The following AGPAT4 variants were observed in gnomAD, a reference collection of about 807,000 sequenced individuals.
AGPAT4 encodes the protein 1-acylglycerol-3-phosphate O-acyltransferase 4, also known as 1-acyl-sn-glycerol-3-phosphate acyltransferase delta.
AGPAT4 carries 15 observed loss-of-function variants against 48.0 expected under a neutral mutation model. That is an observed-to-expected ratio of 0.31 (90% CI 0.21 to 0.48). AGPAT4 has a LOEUF of 0.48. Ranked by LOEUF, AGPAT4 falls within the 20% of genes least tolerant of loss-of-function variation. The probability of loss-of-function intolerance (pLI) is 0.99; values close to 1 mark genes in which losing one functional copy is unlikely to be tolerated. For missense variants in AGPAT4, 314 were observed against 482.5 expected (o/e 0.65, Z 3.27); for synonymous variants, 178 against 198.7 (o/e 0.90, Z 0.88).
chr6:161,154,117 C>T lies in AGPAT4; in HGVS notation c.510+32G>A. ...CCACGGTCACAGTCCTGCAGGAGCC[C>T]TTGGGACACAGCTGCTCTGGTGCCT... is the stretch of plus-strand genomic sequence containing the variant. On this transcript the variant is annotated intron_variant, in intron 4 of 8. Transcript: ENST00000320285. This position sits in a 1 kb window ranked among gnomAD's most constrained non-coding sequence, Gnocchi z 7.8. The T allele has an allele frequency of 8.1e-6, 13 of 1,613,740 alleles. No individual in the cohort carries two copies. Among genetic ancestry groups the T allele is most frequent in the Non-Finnish European group, 1.0e-5 (12 of 1,179,978 alleles).
Position 161,161,304 on chromosome 6 carries a change from C to T in AGPAT4, c.348+4944G>A, listed in dbSNP as rs925326348. 3 of 456,588 alleles carry T rather than the reference C, an allele frequency of 6.6e-6. No homozygotes were observed. Among genetic ancestry groups the T allele is most frequent in the African/African-American group, 4.0e-5 (2 of 50,086 alleles). The allele number at this position is 456,588 out of a possible 1,614,324, so 28.3% of individuals were successfully genotyped here. ...TGGTAGTCGGTATGAACCCGCGGTGCAGCCATAGTCCCGTGAGCTGCCCAC... is the reference window on the plus strand; with the variant it reads ...TGGTAGTCGGTATGAACCCGCGGTGTAGCCATAGTCCCGTGAGCTGCCCAC... On this transcript the variant is annotated intron_variant, in intron 3 of 8. Coordinates refer to ENST00000320285, the MANE Select transcript of AGPAT4 (RefSeq NM_020133.3). This position sits in a 1 kb window ranked among gnomAD's most constrained non-coding sequence, Gnocchi z 4.6.
At position 161,244,220 on chromosome 6, in the gene AGPAT4, A is replaced by G. The variant is rs1782584544; in HGVS notation, c.-89-11918T>C. Among the ~76,000 whole-genome samples the G allele has an allele frequency of 6.6e-6, 1 of 152,204 alleles. No homozygotes were observed. Among genetic ancestry groups the G allele is most frequent in the Non-Finnish European group, 1.5e-5 (1 of 68,034 alleles). ...CTAACAAATACAGAAGACGCAAAGA[A>G]CAGGTAGGTCACAGTGCCGTCTGCC... On this transcript the variant is annotated intron_variant, in intron 1 of 8. Transcript: ENST00000320285. The surrounding 1 kb of genome is among the most constrained non-coding windows in gnomAD (Gnocchi z 4.7).
In AGPAT4 at chr6:161,158,585, AG is replaced by A. The variant is rs1450958153; in HGVS notation, c.349-4276del. Among the ~76,000 whole-genome samples, 1 of 152,196 alleles carries A rather than the reference AG, an allele frequency of 6.6e-6. No individual in the cohort carries two copies. Among genetic ancestry groups the A allele is most frequent in the Non-Finnish European group, 1.5e-5 (1 of 68,030 alleles). On this transcript the variant is annotated intron_variant, in intron 3 of 8. Coordinates refer to ENST00000320285, the MANE Select transcript of AGPAT4 (RefSeq NM_020133.3). The surrounding 1 kb of genome is among the most constrained non-coding windows in gnomAD (Gnocchi z 5.3). The stretch of plus-strand genomic sequence containing the variant: ...CTCCCCACAGCTCAGGGAAGCAGCC[AG>A]CCCCATGACCTGGTCTGCATCTCTG...
rs1006743437 is a variant in AGPAT4, at chr6:161,200,760, C to A, written c.178+31276G>T. ...GGCTCCATCTGTTCCTGAAGCCATACGGTCCATGTGTTACACTGCCCCCGC... is the reference window on the plus strand; with the variant it reads ...GGCTCCATCTGTTCCTGAAGCCATAAGGTCCATGTGTTACACTGCCCCCGC... On this transcript the variant is annotated intron_variant, in intron 2 of 8. Transcript: ENST00000320285. The surrounding 1 kb of genome is among the most constrained non-coding windows in gnomAD (Gnocchi z 5.5). 6.6e-6 allele frequency among the ~76,000 whole-genome samples: 1 copy of A among 152,182 alleles called. No homozygotes were observed. The highest frequency in any genetic ancestry group is 2.4e-5 in the African/African-American group (1 of 41,460).
At position 161,156,536 on chromosome 6, in the gene AGPAT4, T is replaced by C. The variant is rs111263546; in HGVS notation, c.349-2226A>G. Reference sequence around the variant, plus strand: ...GGCTAGGCAATGGTTTACTGTATAATACTAAATTTTTAAAAGATCTGGAAC... The same window carrying C: ...GGCTAGGCAATGGTTTACTGTATAACACTAAATTTTTAAAAGATCTGGAAC... On this transcript the variant is annotated intron_variant, in intron 3 of 8. Coordinates refer to ENST00000320285, the MANE Select transcript of AGPAT4 (RefSeq NM_020133.3). Among the ~76,000 whole-genome samples the C allele has an allele frequency of 6.5e-3, 984 of 152,342 alleles. 6 individuals are homozygous for C. The highest frequency in any genetic ancestry group is 0.023 in the African/African-American group (942 of 41,576).
At chr6:161,162,554 G>C (rs1005575314) in intron 3 of AGPAT4, among the ~76,000 whole-genome samples, 5 of 152,222 alleles carry the variant, frequency 3.3e-5, no homozygotes, top group Admixed American at 6.5e-5. Flanking sequence ...CCCCTCCCGA[G>C]AGACCCTGCC....
chr6:161,213,931 T>A (rs890472098), intron 2 of AGPAT4, among the ~76,000 whole-genome samples: 1 of 151,790 alleles, frequency 6.6e-6, no homozygotes, highest in Non-Finnish European at 1.5e-5. Flanking sequence ...GGGGTGGGGG[T>A]GTTGGGGAAT....
rs2115044769 is a variant in AGPAT4 at position 161,242,281 on chromosome 6, CGCT to C, written c.-89-9982_-89-9980del. Among the ~76,000 whole-genome samples the C allele has an allele frequency of 6.6e-6, 1 of 152,338 alleles. No homozygotes were observed. The highest frequency in any genetic ancestry group is 6.5e-5 in the Admixed American group (1 of 15,304). ...AGTCTCACGCTTTTAACCAGTCTCA[CGCT>C]CTTAATGCTGCCTATAAGACAAGAA... On this transcript the variant is annotated intron_variant, in intron 1 of 8. Transcript: ENST00000320285. This position sits in a 1 kb window ranked among gnomAD's most constrained non-coding sequence, Gnocchi z 5.0.
At chr6:161,170,191 G>T (rs914620050) in intron 2 of AGPAT4, among the ~76,000 whole-genome samples, 1 of 151,918 alleles carries the variant, frequency 6.6e-6, no homozygotes, top group Non-Finnish European at 1.5e-5. Flanking sequence ...CTTCCTGACC[G>T]CCTGCCCTGT....
Position 161,148,712 on chromosome 6 carries a change from G to C in AGPAT4, c.767+475C>G, listed in dbSNP as rs988247066. ...GTTCAGCCCATTCTATAAGCAGGCAGAGAGAACTAGTTTGACTAATATGTT... is the reference window on the plus strand; with the variant it reads ...GTTCAGCCCATTCTATAAGCAGGCACAGAGAACTAGTTTGACTAATATGTT... On this transcript the variant is annotated intron_variant, in intron 6 of 8. Transcript: ENST00000320285. The surrounding 1 kb of genome is among the most constrained non-coding windows in gnomAD (Gnocchi z 5.5). 5.3e-5 allele frequency among the ~76,000 whole-genome samples: 8 copies of C among 152,212 alleles called. No individual in the cohort carries two copies. The highest frequency in any genetic ancestry group is 4.1e-4 in the South Asian group (2 of 4,832).
At position 161,236,001 on chromosome 6, in the gene AGPAT4, G is replaced by A. The variant is rs1212971133; in HGVS notation, c.-89-3699C>T. 6.6e-6 allele frequency among the ~76,000 whole-genome samples: 1 copy of A among 152,184 alleles called. No homozygotes were observed. ...TGGCAATTAGCCAATTTCATGTCATGCCGAGGAAAGATGGTATAAATATCT... is the reference window on the plus strand; with the variant it reads ...TGGCAATTAGCCAATTTCATGTCATACCGAGGAAAGATGGTATAAATATCT... On this transcript the variant is annotated intron_variant, in intron 1 of 8. Coordinates refer to ENST00000320285, the MANE Select transcript of AGPAT4 (RefSeq NM_020133.3). The surrounding 1 kb of genome is among the most constrained non-coding windows in gnomAD (Gnocchi z 5.0).
At chr6:161,150,651 C>T (rs1583282242) in intron 5 of AGPAT4, among the ~76,000 whole-genome samples, 2 of 152,206 alleles carry the variant, frequency 1.3e-5, no homozygotes, top group Admixed American at 1.3e-4. Context: ...AAGTGGGGCC[C>T]GGAGTGCCCG....
intron 2 of AGPAT4, among the ~76,000 whole-genome samples, chr6:161,191,223 A>C (rs1780916020): frequency 6.6e-6 from 1 of 152,246 alleles, no homozygotes; most frequent in Non-Finnish European, 1.5e-5. Flanking sequence ...AGGAGTTAAC[A>C]TAAATACCCA....
Position 161,216,755 on chromosome 6 carries a change from C to T in AGPAT4, c.178+15281G>A, listed in dbSNP as rs1028497141. Among the ~76,000 whole-genome samples, 1 of 152,176 alleles carries T rather than the reference C, an allele frequency of 6.6e-6. No individual in the cohort carries two copies. Among genetic ancestry groups the T allele is most frequent in the Non-Finnish European group, 1.5e-5 (1 of 68,030 alleles). ...AGAGAAAATGAGAAAGAAGCAAAAG[C>T]GGAGACCCCTGATAAACCCATCAGA... On this transcript the variant is annotated intron_variant, in intron 2 of 8. Coordinates refer to ENST00000320285, the MANE Select transcript of AGPAT4 (RefSeq NM_020133.3). This position sits in a 1 kb window ranked among gnomAD's most constrained non-coding sequence, Gnocchi z 4.8.
In AGPAT4 at chr6:161,141,836, G is replaced by A. The variant is rs1279471351; in HGVS notation, c.844-2216C>T. Among the ~76,000 whole-genome samples, 1 of 152,036 alleles carries A rather than the reference G, an allele frequency of 6.6e-6. No homozygotes were observed. Among genetic ancestry groups the A allele is most frequent in the Non-Finnish European group, 1.5e-5 (1 of 68,000 alleles). On this transcript the variant is annotated intron_variant, in intron 7 of 8. Transcript: ENST00000320285. The surrounding 1 kb of genome is among the most constrained non-coding windows in gnomAD (Gnocchi z 6.7). ...AAGAAAAAAGCACTCCCTTTTCTAG[G>A]AGCTTCCCAACTCAGAACTTCCCAT...
Position 161,184,037 on chromosome 6 carries a change from T to C in AGPAT4, c.179-17620A>G, listed in dbSNP as rs1030398779. Among the ~76,000 whole-genome samples, 1 of 152,072 alleles carries C rather than the reference T, an allele frequency of 6.6e-6. No homozygotes were observed. The highest frequency in any genetic ancestry group is 1.5e-5 in the Non-Finnish European group (1 of 68,024). ...AGCGTGATGTATGACTTGATCCACC[T>C]GAAATACAGTCTACTAGAACCTGTG... On this transcript the variant is annotated intron_variant, in intron 2 of 8. Coordinates refer to ENST00000320285, the MANE Select transcript of AGPAT4 (RefSeq NM_020133.3). This position sits in a 1 kb window ranked among gnomAD's most constrained non-coding sequence, Gnocchi z 4.8.
rs905909142 is a variant in AGPAT4 at position 161,245,925 on chromosome 6, G to A, written c.-89-13623C>T. On this transcript the variant is annotated intron_variant, in intron 1 of 8. Transcript: ENST00000320285. The surrounding 1 kb of genome is among the most constrained non-coding windows in gnomAD (Gnocchi z 5.2). ...TATTAGAAAACAAATGCACTTAAATGCTTTTCTGACATGAATCATTTATTG... is the reference window on the plus strand; with the variant it reads ...TATTAGAAAACAAATGCACTTAAATACTTTTCTGACATGAATCATTTATTG... 4.6e-5 allele frequency among the ~76,000 whole-genome samples: 7 copies of A among 152,152 alleles called. No individual in the cohort carries two copies. Among genetic ancestry groups the A allele is most frequent in the African/African-American group, 1.7e-4 (7 of 41,430 alleles).
At position 161,206,751 on chromosome 6, in the gene AGPAT4, T is replaced by C. The variant is rs991085709; in HGVS notation, c.178+25285A>G. On this transcript the variant is annotated intron_variant, in intron 2 of 8. Coordinates refer to ENST00000320285, the MANE Select transcript of AGPAT4 (RefSeq NM_020133.3). This position sits in a 1 kb window ranked among gnomAD's most constrained non-coding sequence, Gnocchi z 4.8. ...AAGATATTTAAGAAGAATTTTTAAA[T>C]GGCCATCATAAAACTCTTTCAATAA... Among the ~76,000 whole-genome samples the C allele has an allele frequency of 3.9e-5, 6 of 152,144 alleles. No homozygotes were observed. The East Asian group carries it at 9.6e-4, about 24-fold the overall frequency.
chr6:161,162,391 G>A (rs908600849), intron 3 of AGPAT4, among the ~76,000 whole-genome samples: 12 of 152,314 alleles, frequency 7.9e-5, no homozygotes, highest in African/African-American at 9.6e-5. Context: ...CTCCTGCCCC[G>A]GGCGCCCGCT....
Sources: gnomAD v4.1 joint callset for allele counts (sites outside exome capture counted in the v4.1 genomes callset) on GRCh38, gnomAD v4.1.1 for gene constraint, Gnocchi (gnomAD v3.1) non-coding constraint, MANE v1.5 for transcripts, NCBI Gene and HGNC (gene_info 2026-07-23, HGNC 2026-07-21) for gene names.